The following PLXND1 variants were observed in gnomAD, a reference collection of about 807,000 sequenced individuals.
PLXND1 encodes the protein plexin D1.
A neutral mutation model predicts 197.7 loss-of-function variants in PLXND1; 54 were observed. That is an observed-to-expected ratio of 0.27 (90% CI 0.22 to 0.34). The LOEUF is 0.34. PLXND1 is among the 10% of genes least tolerant of loss of function. The pLI, the probability that PLXND1 is intolerant of heterozygous loss-of-function variation, is 1.00. For missense variants in PLXND1, 2,127 were observed against 2,699.2 expected (o/e 0.79, Z 4.70); for synonymous variants, 1,180 against 1,161.2 (o/e 1.02, Z -0.33).
chr3:129,590,675 G>A (rs1466275967), intron 1 of PLXND1, among the ~76,000 whole-genome samples: 1 of 152,198 alleles, frequency 6.6e-6, no homozygotes, highest in African/African-American at 2.4e-5. Flanking sequence ...ATAATAACAG[G>A]CCACATTTAC....
intron 22 of PLXND1, among the ~76,000 whole-genome samples, 166 bp from the exon 23 acceptor site, chr3:129,566,797 T>A (rs974239107): frequency 1.3e-5 from 2 of 152,028 alleles, no homozygotes; most frequent in African/African-American, 4.8e-5. Context: ...CTGGGGGCTG[T>A]GGAATTCCAG....
intron 17 of PLXND1, 76 bp from the exon 18 acceptor site, chr3:129,571,379 G>A: frequency 1.3e-6 from 2 of 1,556,000 alleles, no homozygotes; most frequent in Non-Finnish European, 8.8e-7. Context: ...TGGGGAGTGG[G>A]GTTTGAGGAG....
Position 129,565,225 on chromosome 3 carries a change from C to T in PLXND1, c.4521+115G>A, listed in dbSNP as rs1246667566. ...TGGCCTGTCTCATGCAACACTCCCT[C>T]CTGGCAGAGCTGGCCTGAGGGTGCC... On this transcript the variant is annotated intron_variant, in intron 25 of 35. Coordinates refer to ENST00000324093, the MANE Select transcript of PLXND1 (RefSeq NM_015103.3). 4.9e-6 allele frequency: 4 copies of T among 822,658 alleles called. No individual in the cohort carries two copies. In the African/African-American group the frequency reaches 5.0e-5, roughly 10 times the overall value. The allele number at this position is 822,658 out of a possible 1,614,324, so 51.0% of individuals were successfully genotyped here.
At chr3:129,596,391 C>T (rs904853007) in intron 1 of PLXND1, among the ~76,000 whole-genome samples, 6 of 152,328 alleles carry the variant, frequency 3.9e-5, no homozygotes, top group South Asian at 2.1e-4. Flanking sequence ...GTTAGCTGGA[C>T]GCAGCCCCTA....
chr3:129,570,971 G>A, intron 18 of PLXND1, 36 bp from the exon 19 acceptor site: 1 of 1,613,942 alleles, frequency 6.2e-7, no homozygotes, highest in African/African-American at 1.3e-5. Context: ...TCATGGGGAA[G>A]TGCTCCCGAG....
chr3:129,590,610 T>C (rs1317794821), intron 1 of PLXND1, among the ~76,000 whole-genome samples: 1 of 152,208 alleles, frequency 6.6e-6, no homozygotes, highest in African/African-American at 2.4e-5. Flanking sequence ...CAGGATGTCA[T>C]GGGCCCATTT....
In PLXND1 at chr3:129,567,810, G is replaced by A. The variant is rs200927732; in HGVS notation, c.3866-5C>T. The A allele has an allele frequency of 5.7e-6, 9 of 1,585,182 alleles. No homozygotes were observed. Among genetic ancestry groups the A allele is most frequent in the African/African-American group, 4.0e-5 (3 of 74,504 alleles). On this transcript the variant is annotated splice_polypyrimidine_tract_variant and splice_region_variant and intron_variant, in intron 20 of 35. Transcript: ENST00000324093. ...TGGTACAGAAGACGAACAGGGCTGCGGGCAGTGGAGAGGCAGGTCAGGCCT... is the reference window on the plus strand; with the variant it reads ...TGGTACAGAAGACGAACAGGGCTGCAGGCAGTGGAGAGGCAGGTCAGGCCT...
At chr3:129,565,293 C>A in intron 25 of PLXND1, 47 bp downstream of exon 25, 1 of 1,551,292 alleles carries the variant, frequency 6.4e-7, no homozygotes, top group South Asian at 1.1e-5. Flanking sequence ...CGCTGAGTCC[C>A]TGCCACGTCC....
At position 129,578,371 on chromosome 3, in the gene PLXND1, G is replaced by A. The variant is rs760333942; in HGVS notation, c.2304C>T (p.Ser768=). 1 of 1,607,700 alleles carries A rather than the reference G, an allele frequency of 6.2e-7. No individual in the cohort carries two copies. The highest frequency in any genetic ancestry group is 1.3e-5 in the African/African-American group (1 of 75,012). Residue 768 remains serine (S), a synonymous_variant, in exon 9 of 36, where the codon TCC becomes TCT. Coordinates refer to ENST00000324093, the MANE Select transcript of PLXND1 (RefSeq NM_015103.3). ...SPLAPVPTGG[S]QNILVPLANT... Reference sequence around the variant, plus strand: ...TGGCCAGAGGCACCAGGATGTTCTGGGAGCCACCCGTAGGCACGGGTGCCA... The same window carrying A: ...TGGCCAGAGGCACCAGGATGTTCTGAGAGCCACCCGTAGGCACGGGTGCCA...
chr3:129,556,336 G>C lies in PLXND1; in HGVS notation c.5754C>G (p.Ile1918Met), dbSNP rs373152384. 5.5e-5 allele frequency: 89 copies of C among 1,612,848 alleles called. No individual in the cohort carries two copies. The highest frequency in any genetic ancestry group is 7.4e-5 in the Non-Finnish European group (87 of 1,178,882). ...CTCAGGCCTCACTGTAGCACTCGTA[G>C]ATGTTGTCCTCCATCAAAGCCACCA... ...EQVVALMEDN[I>M]YECYSEA The change falls in exon 36 of 36, where the codon ATC (isoleucine) becomes ATG (methionine). Residue 1918 changes from isoleucine (I) to methionine (M), a missense_variant. Ile to Met is a conservative substitution (Grantham distance 10, BLOSUM62 1). Coordinates refer to ENST00000324093, the MANE Select transcript of PLXND1 (RefSeq NM_015103.3).
At chr3:129,556,503 G>A in intron 35 of PLXND1, 75 bp from the exon 36 acceptor site, 1 of 1,362,180 alleles carries the variant, frequency 7.3e-7, no homozygotes, top group African/African-American at 1.4e-5. Flanking sequence ...ACACACCCCT[G>A]AACGTCTACC....
chr3:129,556,243 G>A lies in PLXND1; in HGVS notation c.*69C>T. 1 of 1,023,300 alleles carries A rather than the reference G, an allele frequency of 9.8e-7. No homozygotes were observed. Among genetic ancestry groups the A allele is most frequent in the South Asian group, 1.3e-5 (1 of 75,532 alleles). The allele number at this position is 1,023,300 out of a possible 1,614,324, so 63.4% of individuals were successfully genotyped here. A position where few individuals can be genotyped will look rare whatever the true frequency, so the allele number is the denominator to read the frequency against. On this transcript the variant is annotated 3_prime_UTR_variant, in exon 36 of 36. Transcript: ENST00000324093. The stretch of plus-strand genomic sequence containing the variant: ...CAGTCTGAGTCACAGGCACGGGGTA[G>A]AAGATCAAGTTGAGGCCCAGTGGGC...
intron 1 of PLXND1, among the ~76,000 whole-genome samples, chr3:129,604,465 T>C (rs1036686119): frequency 2.6e-4 from 39 of 152,336 alleles, no homozygotes; most frequent in African/African-American, 9.4e-4. Flanking sequence ...TGTTTCTTCA[T>C]CTGTAAAATG....
intron 21 of PLXND1, 36 bp downstream of exon 21, chr3:129,567,662 G>T: frequency 6.3e-7 from 1 of 1,579,944 alleles, no homozygotes. Flanking sequence ...AGGAGGGAAA[G>T]TTGAGGCCCA....
Position 129,605,634 on chromosome 3 carries a change from C to T in PLXND1, c.1006G>A (p.Glu336Lys). Reference sequence around the variant, plus strand: ...TGCAAGCCCAACTGGATGTAGGACTCGGTGAGCTTCTTGGCGTCGCCGCCG... The same window carrying T: ...TGCAAGCCCAACTGGATGTAGGACTTGGTGAGCTTCTTGGCGTCGCCGCCG... The part of the protein sequence containing the change: ...GAGGDAKKLT[E>K]SYIQLGLQCA... Residue 336 changes from glutamate to lysine, a missense_variant, in exon 1 of 36, where the codon GAG (glutamate) becomes AAG (lysine). By Grantham distance (56) the Glu-to-Lys change is moderately conservative. Transcript: ENST00000324093. The T allele has an allele frequency of 6.5e-7, 1 of 1,537,524 alleles. No individual in the cohort carries two copies. The highest frequency in any genetic ancestry group is 8.7e-7 in the Non-Finnish European group (1 of 1,145,500).
At chr3:129,604,250 C>T (rs1022279780) in intron 1 of PLXND1, among the ~76,000 whole-genome samples, 1 of 152,218 alleles carries the variant, frequency 6.6e-6, no homozygotes, top group Middle Eastern at 3.2e-3. Context: ...GTTCACATCC[C>T]TCCATTCTCC....
chr3:129,602,584 G>A (rs2085725643), intron 1 of PLXND1, among the ~76,000 whole-genome samples: 1 of 152,200 alleles, frequency 6.6e-6, no homozygotes, highest in Admixed American at 6.5e-5. Context: ...GCTCCCCAGG[G>A]CACAGCATGG....
chr3:129,587,437 C>A (rs2811459), intron 2 of PLXND1, among the ~76,000 whole-genome samples: 23,005 of 152,210 alleles, frequency 0.15, 1,963 homozygotes, highest in East Asian at 0.38. Flanking sequence ...CTCTGAGGGA[C>A]CCTCTGCGTG....
chr3:129,568,833 G>A (rs1287677054), intron 20 of PLXND1, among the ~76,000 whole-genome samples: 1 of 152,210 alleles, frequency 6.6e-6, no homozygotes, highest in Non-Finnish European at 1.5e-5. Flanking sequence ...ACAGGCATAA[G>A]CCACTGAGCC....
Sources: allele counts gnomAD v4.1 joint callset (sites outside exome capture counted in the v4.1 genomes callset), GRCh38; gene constraint gnomAD v4.1.1; transcripts MANE v1.5; gene names NCBI Gene and HGNC (gene_info 2026-07-23, HGNC 2026-07-21).